The following PARP15 variants were observed in gnomAD, a reference collection of about 807,000 sequenced individuals.
The protein encoded by PARP15 is poly(ADP-ribose) polymerase family member 15, also known as protein mono-ADP-ribosyltransferase PARP15.
PARP15 carries 50 observed loss-of-function variants against 62.1 expected under a neutral mutation model. The ratio of observed to expected loss-of-function variants is 0.81; its 90% CI spans 0.64 to 1.02. The LOEUF is 1.02. Among genes scored for constraint, PARP15 ranks in the 50% least tolerant of loss-of-function variants. The pLI, the probability that PARP15 is intolerant of heterozygous loss-of-function variation, is 0.00. For missense variants in PARP15, 820 were observed against 826.5 expected (o/e 0.99, Z 0.10); for synonymous variants, 309 against 293.1 (o/e 1.05, Z -0.55).
intron 1 of PARP15, among the ~76,000 whole-genome samples, chr3:122,584,561 A>G (rs966562463): frequency 3.1e-4 from 39 of 124,800 alleles, no homozygotes; most frequent in Admixed American, 1.9e-3. Context: ...GGAAATATTC[A>G]TCCATTTCTT....
At chr3:122,615,466 C>T (rs1420865444) in intron 4 of PARP15, 2 of 1,229,124 alleles carry the variant, frequency 1.6e-6, no homozygotes. Context: ...TATGGGGCTT[C>T]AAAAGAGGAG....
intron 1 of PARP15, among the ~76,000 whole-genome samples, chr3:122,578,967 T>G (rs758749351): frequency 1.1e-4 from 17 of 152,130 alleles, no homozygotes; most frequent in Non-Finnish European, 2.1e-4. Flanking sequence ...TTAAGGAAAA[T>G]TTGCCTCCAA....
At chr3:122,623,107 G>A (rs767237068) in intron 8 of PARP15, among the ~76,000 whole-genome samples, 1 of 152,136 alleles carries the variant, frequency 6.6e-6, no homozygotes, top group African/African-American at 2.4e-5. Flanking sequence ...TGCTATCGGC[G>A]GTAATGAGGC....
At chr3:122,617,732 C>A (rs2107559305) in intron 6 of PARP15, among the ~76,000 whole-genome samples, 1 of 152,178 alleles carries the variant, frequency 6.6e-6, no homozygotes, top group East Asian at 1.9e-4. Context: ...TACACTCAAC[C>A]TTTTTGGGTT....
chr3:122,600,733 A>G (rs990811507), intron 1 of PARP15, among the ~76,000 whole-genome samples: 3 of 151,794 alleles, frequency 2.0e-5, no homozygotes, highest in African/African-American at 7.3e-5. Flanking sequence ...TAAAGTCGTT[A>G]TTCATGCCCA....
Position 122,626,995 on chromosome 3 carries a change from C to T in PARP15, c.1400C>T (p.Ala467Val), listed in dbSNP as rs771647190. The change falls in exon 9 of 12, where the codon GCA (alanine) becomes GTA (valine). Residue 467 changes from alanine to valine, a missense_variant. By Grantham distance (64) the Ala-to-Val change is moderately conservative (BLOSUM62 0). Around this residue, in one of 3 missense-constraint regions of PARP15, gnomAD observed 731 missense variants for 727.7 expected, o/e 1.00. Transcript: ENST00000464300. ...AGCATGAAAAAAAGAGACCTCTCTG[C>T]ATCACTGAACTTTCAGTCCACATTC... is the stretch of plus-strand genomic sequence containing the variant. ...YDSMKKRDLS[A>V]SLNFQSTFSM... 6.8e-6 allele frequency: 11 copies of T among 1,613,626 alleles called. No homozygotes were observed. Among genetic ancestry groups the T allele is most frequent in the Non-Finnish European group, 2.5e-6 (3 of 1,179,892 alleles).
At chr3:122,596,354 CAAAAAAAAAAAAAA>C (rs35559014) in intron 1 of PARP15, among the ~76,000 whole-genome samples, 1 of 46,896 alleles carries the variant, frequency 2.1e-5, no homozygotes, top group Non-Finnish European at 3.7e-5. Context: ...GACTCCATCT[CAAAAAAAAAAAAAA>C]AAAAAAAAAA....
chr3:122,634,002 C>G (rs1256990024), intron 10 of PARP15, among the ~76,000 whole-genome samples: 1 of 152,208 alleles, frequency 6.6e-6, no homozygotes, highest in Non-Finnish European at 1.5e-5. Flanking sequence ...AGTCAACCCC[C>G]TCACACATTC....
intron 1 of PARP15, among the ~76,000 whole-genome samples, chr3:122,593,305 AT>A (rs1007208097): frequency 2.0e-5 from 3 of 151,366 alleles, no homozygotes; most frequent in African/African-American, 2.4e-5. Context: ...TGCCTGGCTA[AT>A]TTTTTTTGCA....
intron 1 of PARP15, among the ~76,000 whole-genome samples, chr3:122,602,127 C>T (rs1255273548): frequency 1.3e-5 from 2 of 152,070 alleles, no homozygotes; most frequent in Non-Finnish European, 2.9e-5. Flanking sequence ...CTCCCAGATG[C>T]CCTGGGCTTG....
chr3:122,577,831 G>A lies in PARP15; in HGVS notation c.164G>A (p.Arg55Gln). The A allele has an allele frequency of 6.5e-7, 1 of 1,550,076 alleles. No homozygotes were observed. The highest frequency in any genetic ancestry group is 1.4e-5 in the African/African-American group (1 of 73,094). ...AGNRGARKAS[R>Q]RSSSRSMSRD... is the part of the protein sequence containing the mutation. ...AACCGTGGGGCGCGGAAGGCCTCCC[G>A]GCGCTCTTCCTCCCGGAGTATGGTG... Residue 55 changes from arginine to glutamine, a missense_variant, in exon 1 of 12, where the codon CGG (arginine) becomes CAG (glutamine). Transcript: ENST00000464300.
intron 5 of PARP15, among the ~76,000 whole-genome samples, chr3:122,616,522 C>T (rs1050528813): frequency 2.0e-5 from 3 of 151,934 alleles, no homozygotes; most frequent in Non-Finnish European, 2.9e-5. Context: ...AGTAAACACA[C>T]GGTTTCACCA....
rs1339738913 is a variant in PARP15, at chr3:122,636,137, C to T, written c.*37C>T. The stretch of plus-strand genomic sequence containing the variant: ...TCATCAAAGAGATGATTTAAGTCAT[C>T]TGTAAGAACAACATGCAATCTTTGT... On this transcript the variant is annotated 3_prime_UTR_variant, in exon 12 of 12. Coordinates refer to ENST00000464300, the MANE Select transcript of PARP15 (RefSeq NM_001113523.3). 5.1e-6 allele frequency: 8 copies of T among 1,560,752 alleles called. No homozygotes were observed. Among genetic ancestry groups the T allele is most frequent in the South Asian group, 2.4e-5 (2 of 84,524 alleles).
chr3:122,607,280 G>C (rs1935219883), intron 2 of PARP15, among the ~76,000 whole-genome samples: 1 of 152,218 alleles, frequency 6.6e-6, no homozygotes, highest in African/African-American at 2.4e-5. Context: ...TAAAAGGACA[G>C]TAAATTTATT....
intron 1 of PARP15, among the ~76,000 whole-genome samples, chr3:122,587,994 T>A (rs759088530): frequency 6.6e-6 from 1 of 152,224 alleles, no homozygotes; most frequent in Non-Finnish European, 1.5e-5. Flanking sequence ...CTTTGTATGT[T>A]TTAGATAACA....
intron 1 of PARP15, among the ~76,000 whole-genome samples, chr3:122,580,473 G>C (rs2080780150): frequency 6.6e-6 from 1 of 152,080 alleles, no homozygotes; most frequent in African/African-American, 2.4e-5. Flanking sequence ...TAAAAATAAT[G>C]ATAAAATGCA....
At chr3:122,601,035 G>GGTTTTTTTTTTT (rs1934747287) in intron 1 of PARP15, among the ~76,000 whole-genome samples, 1 of 104,978 alleles carries the variant, frequency 9.5e-6, no homozygotes, top group African/African-American at 6.7e-5. Context: ...TGTCTTTTAT[G>GGTTTTTTTTTTT]GTTTTTTTTT....
intron 6 of PARP15, 126 bp from the exon 7 acceptor site, chr3:122,619,655 C>T (rs548553417): frequency 1.7e-5 from 13 of 761,458 alleles, no homozygotes; most frequent in South Asian, 4.6e-5. Flanking sequence ...AGCAGTTGGT[C>T]GGGCGTGGGG....
At chr3:122,587,398 T>G (rs1438561221) in intron 1 of PARP15, among the ~76,000 whole-genome samples, 1 of 152,218 alleles carries the variant, frequency 6.6e-6, no homozygotes, top group Non-Finnish European at 1.5e-5. Context: ...GCTGTACCAT[T>G]TTGCATTCCC....
Sources: allele counts gnomAD v4.1 joint callset (sites outside exome capture counted in the v4.1 genomes callset), GRCh38; gene constraint gnomAD v4.1.1; regional missense constraint gnomAD v4.1.1; transcripts MANE v1.5; gene names NCBI Gene and HGNC (gene_info 2026-07-23, HGNC 2026-07-21).